The following CYFIP2 variants were observed in gnomAD, a reference collection of about 807,000 sequenced individuals.
The protein encoded by CYFIP2 is cytoplasmic FMR1 interacting protein 2.
CYFIP2 carries 29 observed loss-of-function variants against 158.7 expected under a neutral mutation model. The ratio of observed to expected loss-of-function variants is 0.18; its 90% CI spans 0.14 to 0.25. The LOEUF (loss-of-function observed/expected upper bound fraction) is 0.25, where lower values mean the gene tolerates loss of function less well. CYFIP2 is among the 10% of genes least tolerant of loss of function. The probability of loss-of-function intolerance (pLI) is 1.00; values close to 1 mark genes in which losing one functional copy is unlikely to be tolerated. For missense variants in CYFIP2, 852 were observed against 1,639.5 expected (o/e 0.52, Z 8.29); for synonymous variants, 585 against 617.6 (o/e 0.95, Z 0.78).
intron 1 of CYFIP2, among the ~76,000 whole-genome samples, chr5:157,267,810 T>C (rs1258169418): frequency 6.6e-6 from 1 of 152,200 alleles, no homozygotes; most frequent in Non-Finnish European, 1.5e-5. Context: ...GGGCTGGAAG[T>C]GGAGGTGGGG....
At chr5:157,330,288 G>C (rs1044882423) in intron 19 of CYFIP2, among the ~76,000 whole-genome samples, 1 of 149,150 alleles carries the variant, frequency 6.7e-6, no homozygotes, top group Non-Finnish European at 1.5e-5. Flanking sequence ...GTGTGTGTTT[G>C]TGTTTAAAGT....
At chr5:157,332,886 T>C (rs1232570439) in intron 20 of CYFIP2, among the ~76,000 whole-genome samples, 1 of 152,192 alleles carries the variant, frequency 6.6e-6, no homozygotes, top group East Asian at 1.9e-4. Flanking sequence ...GTTCAAGCTA[T>C]CCTCCTGTTG....
intron 20 of CYFIP2, 123 bp from the exon 21 acceptor site, chr5:157,333,204 C>A (rs1761610931): frequency 1.5e-5 from 19 of 1,268,934 alleles, no homozygotes; most frequent in Non-Finnish European, 2.1e-5. Flanking sequence ...CTCCAGGAAA[C>A]CCCTCCCACC....
At chr5:157,331,632 A>G (rs950122775) in intron 20 of CYFIP2, among the ~76,000 whole-genome samples, 5 of 152,070 alleles carry the variant, frequency 3.3e-5, no homozygotes, top group Non-Finnish European at 2.9e-5. Flanking sequence ...AGAGGGGGGA[A>G]AAATAGAATT....
chr5:157,384,268 C>A, intron 28 of CYFIP2: 1 of 456,640 alleles, frequency 2.2e-6, no homozygotes, highest in Non-Finnish European at 4.4e-6. Context: ...AGGGGGAGAG[C>A]GGAGAAACAA....
In CYFIP2 at chr5:157,343,041, G is replaced by C. The variant is rs17054522; in HGVS notation, c.2673+1884G>C. On this transcript the variant is annotated intron_variant, in intron 23 of 30. Transcript: ENST00000620254. The stretch of plus-strand genomic sequence containing the variant: ...TCTTCCTCCCTCTGACCAAGATCCG[G>C]GGCCTCCTCTGGCCATCTCACCAAC... The C allele has an allele frequency of 3.6e-3, 5,755 of 1,614,190 alleles. 178 individuals are homozygous for C. In the Admixed American group the frequency reaches 0.063, roughly 18 times the overall value.
At chr5:157,374,003 G>C (rs765807136) in intron 26 of CYFIP2, among the ~76,000 whole-genome samples, 1 of 152,156 alleles carries the variant, frequency 6.6e-6, no homozygotes, top group Non-Finnish European at 1.5e-5. Flanking sequence ...TAAGTATTTG[G>C]TGCATTCCCA....
intron 28 of CYFIP2, chr5:157,384,700 A>C (rs1238465438): frequency 2.8e-6 from 1 of 351,742 alleles, no homozygotes; most frequent in South Asian, 2.1e-5. Flanking sequence ...AGCACTTTGG[A>C]AGGCCGAGGC....
At chr5:157,349,543 A>T (rs553476914) in intron 23 of CYFIP2, among the ~76,000 whole-genome samples, 2 of 152,190 alleles carry the variant, frequency 1.3e-5, no homozygotes, top group Admixed American at 1.3e-4. Flanking sequence ...GGCTGGTTCC[A>T]TATTTTTGCA....
intron 23 of CYFIP2, among the ~76,000 whole-genome samples, chr5:157,353,618 T>A (rs1763220341): frequency 6.6e-6 from 1 of 152,230 alleles, no homozygotes; most frequent in East Asian, 1.9e-4. Context: ...TGGCACTGTC[T>A]TGCTCTGTGA....
rs201701167 is a variant in CYFIP2, at chr5:157,342,906, C to A, written c.2673+1749C>A. The A allele has an allele frequency of 5.3e-5, 86 of 1,614,102 alleles. 1 individual carries two copies. The East Asian group carries it at 1.5e-3, about 28-fold the overall frequency. On this transcript the variant is annotated intron_variant, in intron 23 of 30. Transcript: ENST00000620254. ...AGTATAGCGGGTGGGTCACCACCCC[C>A]CCTCTGTAAGGCACCCGCATCAGGG... is the stretch of plus-strand genomic sequence containing the variant.
chr5:157,286,552 G>GTATATATATATATATATA (rs34826918), intron 2 of CYFIP2, among the ~76,000 whole-genome samples: 9 of 138,122 alleles, frequency 6.5e-5, no homozygotes, highest in African/African-American at 2.4e-4. Flanking sequence ...GCTATTTTAT[G>GTATATATATATATATATA]TATATATATA....
In CYFIP2 at chr5:157,287,109, G is replaced by A; in HGVS notation, c.207+1G>A. The A allele has an allele frequency of 6.2e-7, 1 of 1,612,784 alleles. No individual in the cohort carries two copies. The highest frequency in any genetic ancestry group is 8.5e-7 in the Non-Finnish European group (1 of 1,179,062). The stretch of plus-strand genomic sequence containing the variant: ...GCAGGCTACAGTCCACTCCAGCATG[G>A]TAAGTCTCTGTGACCCACGTGTGCA... On this transcript the variant is annotated splice_donor_variant, in intron 3 of 30. Coordinates refer to ENST00000620254, the MANE Select transcript of CYFIP2 (RefSeq NM_001037333.3). LOFTEE classifies it high-confidence loss of function.
At chr5:157,369,066 T>G (rs1764731196) in intron 26 of CYFIP2, among the ~76,000 whole-genome samples, 1 of 151,966 alleles carries the variant, frequency 6.6e-6, no homozygotes, top group Non-Finnish European at 1.5e-5. Context: ...GCTTGGCTAG[T>G]TTTTGTATTT....
At chr5:157,337,612 T>C (rs535988796) in intron 21 of CYFIP2, among the ~76,000 whole-genome samples, 1 of 152,340 alleles carries the variant, frequency 6.6e-6, no homozygotes, top group Admixed American at 6.5e-5. Flanking sequence ...AAGCATAGCC[T>C]GGGATCTCCA....
chr5:157,380,215 G>A (rs1457279321), intron 26 of CYFIP2: 1 of 152,200 alleles, frequency 6.6e-6, no homozygotes, highest in Non-Finnish European at 1.5e-5. Flanking sequence ...GGGCAATTGG[G>A]GAGGTTCAGA....
intron 26 of CYFIP2, among the ~76,000 whole-genome samples, chr5:157,375,113 C>T (rs964973756): frequency 6.6e-6 from 1 of 152,176 alleles, no homozygotes; most frequent in South Asian, 2.1e-4. Context: ...TGCCTTTGTC[C>T]TATCTAGTGC....
intron 14 of CYFIP2, among the ~76,000 whole-genome samples, 184 bp from the exon 15 acceptor site, chr5:157,320,471 G>C (rs1414174865): frequency 6.6e-6 from 1 of 152,214 alleles, no homozygotes; most frequent in Non-Finnish European, 1.5e-5. Flanking sequence ...CAGATTCCTG[G>C]ACTGTACCTT....
chr5:157,327,881 CA>C, intron 18 of CYFIP2, 91 bp from the exon 19 acceptor site: 5 of 1,237,564 alleles, frequency 4.0e-6, no homozygotes, highest in Non-Finnish European at 5.8e-6. Flanking sequence ...GCACTCTGGG[CA>C]ATCCTGCCTG....
Sources: allele counts gnomAD v4.1 joint callset (sites outside exome capture counted in the v4.1 genomes callset), GRCh38; gene constraint gnomAD v4.1.1; transcripts MANE v1.5; gene names NCBI Gene and HGNC (gene_info 2026-07-23, HGNC 2026-07-21).